The following TSPEAR variants were observed in gnomAD, a reference collection of about 807,000 sequenced individuals.
The protein encoded by TSPEAR is thrombospondin-type laminin G domain and EAR repeat-containing protein.
Under a neutral mutation model 71.6 loss-of-function variants are expected in TSPEAR, and 69 were observed. The ratio of observed to expected loss-of-function variants is 0.96; its 90% CI spans 0.79 to 1.18. The LOEUF (loss-of-function observed/expected upper bound fraction) is 1.18, where lower values mean the gene tolerates loss of function less well. TSPEAR is among the 50% of genes most tolerant of loss of function. TSPEAR has a pLI of 0.00. For missense variants in TSPEAR, 971 were observed against 894.9 expected (o/e 1.09, Z -1.09); for synonymous variants, 402 against 387.2 (o/e 1.04, Z -0.45).
At chr21:44,667,416 T>C (rs1471866985) in intron 1 of TSPEAR, among the ~76,000 whole-genome samples, 1 of 152,192 alleles carries the variant, frequency 6.6e-6, no homozygotes, top group Non-Finnish European at 1.5e-5. Context: ...AAATCACTTG[T>C]CCATAGGATG....
intron 2 of TSPEAR, among the ~76,000 whole-genome samples, chr21:44,545,305 A>G (rs914248906): frequency 6.6e-6 from 1 of 151,878 alleles, no homozygotes; most frequent in South Asian, 2.1e-4. Flanking sequence ...GTGACAGAGC[A>G]AGACTCTGTC....
chr21:44,551,526 G>A (rs797038861), intron 2 of TSPEAR: 3 of 1,536,274 alleles, frequency 2.0e-6, no homozygotes, highest in Non-Finnish European at 2.6e-6. Context: ...GAGTGTGTGA[G>A]TGAGTGTGTG....
chr21:44,579,808 G>C, intron 1 of TSPEAR: 4 of 1,609,752 alleles, frequency 2.5e-6, no homozygotes, highest in Non-Finnish European at 2.5e-6. Flanking sequence ...GGAGGGACAC[G>C]CAGGAGGCCG....
At chr21:44,708,965 G>A (rs1430603615) in intron 1 of TSPEAR, among the ~76,000 whole-genome samples, 1 of 152,248 alleles carries the variant, frequency 6.6e-6, no homozygotes, top group African/African-American at 2.4e-5. Context: ...CAGGGGCTGA[G>A]GCCTCACTGA....
intron 1 of TSPEAR, among the ~76,000 whole-genome samples, chr21:44,603,586 T>C (rs1313822384): frequency 6.6e-6 from 1 of 152,182 alleles, no homozygotes; most frequent in Non-Finnish European, 1.5e-5. Context: ...GGAGGTGTGC[T>C]GTGGGGCAGA....
At position 44,628,125 on chromosome 21, in the gene TSPEAR, G is replaced by A. The variant is rs1320391133; in HGVS notation, c.83-60120C>T. 3.1e-5 allele frequency: 48 copies of A among 1,533,034 alleles called. No individual in the cohort carries two copies. The East Asian group carries it at 9.7e-4, about 31-fold the overall frequency. 95.0% of individuals were successfully genotyped at this position (1,533,034 alleles called of 1,614,324 possible). A position where few individuals can be genotyped will look rare whatever the true frequency, so the allele number is the denominator to read the frequency against. On this transcript the variant is annotated intron_variant, in intron 1 of 11. Coordinates refer to ENST00000323084, the MANE Select transcript of TSPEAR (RefSeq NM_144991.3). Reference sequence around the variant, plus strand: ...GTCCTTGGACCTCCCAGCCCACCCAGCCTCAGCACAGCTCAACACAGAAGG... The same window carrying A: ...GTCCTTGGACCTCCCAGCCCACCCAACCTCAGCACAGCTCAACACAGAAGG...
chr21:44,651,841 ATGGACT>A (rs1364415800), intron 1 of TSPEAR, among the ~76,000 whole-genome samples: 1 of 152,194 alleles, frequency 6.6e-6, no homozygotes, highest in Non-Finnish European at 1.5e-5. Flanking sequence ...GTTCACCTCT[ATGGACT>A]AAGGGGAAAA....
chr21:44,622,803 T>G (rs1982528148), intron 1 of TSPEAR, among the ~76,000 whole-genome samples: 1 of 152,230 alleles, frequency 6.6e-6, no homozygotes, highest in Admixed American at 6.5e-5. Context: ...TTTGGTTGTA[T>G]GGCCCTGCCA....
intron 1 of TSPEAR, chr21:44,681,799 C>G (rs782327210): frequency 4.4e-6 from 7 of 1,581,842 alleles, no homozygotes; most frequent in Non-Finnish European, 6.0e-6. Flanking sequence ...GTGGCCTCAT[C>G]TGCACTGGGA....
chr21:44,697,958 A>T, intron 1 of TSPEAR: 1 of 1,598,686 alleles, frequency 6.3e-7, no homozygotes, highest in Non-Finnish European at 8.5e-7. Flanking sequence ...CTCAGGCCAG[A>T]AGTCCAGCTG....
intron 11 of TSPEAR, among the ~76,000 whole-genome samples, chr21:44,500,617 A>G (rs919213246): frequency 7.9e-5 from 12 of 152,260 alleles, no homozygotes; most frequent in African/African-American, 2.7e-4. Flanking sequence ...GGGAAAGGGC[A>G]GGGTGGGGTC....
At chr21:44,615,645 A>G (rs1982041419) in intron 1 of TSPEAR, among the ~76,000 whole-genome samples, 1 of 150,830 alleles carries the variant, frequency 6.6e-6, no homozygotes, top group Non-Finnish European at 1.5e-5. Flanking sequence ...GTCTCTCTGC[A>G]GGTGCCTCCT....
intron 2 of TSPEAR, chr21:44,540,029 G>C: frequency 6.2e-7 from 1 of 1,613,064 alleles, no homozygotes; most frequent in Non-Finnish European, 8.5e-7. Flanking sequence ...GGTCAGGCAG[G>C]GGGCCGGGGC....
At chr21:44,634,076 T>A (rs2146213039) in intron 1 of TSPEAR, among the ~76,000 whole-genome samples, 1 of 152,262 alleles carries the variant, frequency 6.6e-6, no homozygotes, top group East Asian at 1.9e-4. Flanking sequence ...AAGACCCTGG[T>A]CCCTAAAAAA....
At chr21:44,681,634 C>A (rs1986594312) in intron 1 of TSPEAR, 1 of 642,940 alleles carries the variant, frequency 1.6e-6, no homozygotes, top group Admixed American at 3.2e-5. Context: ...ACTCTGGGAC[C>A]CCAGACTTCC....
At chr21:44,676,370 G>A (rs992173167) in intron 1 of TSPEAR, 3 of 1,127,562 alleles carry the variant, frequency 2.7e-6, no homozygotes, top group Non-Finnish European at 4.1e-6. Flanking sequence ...CTACCCAGTG[G>A]GACAGCAGGC....
At chr21:44,677,525 T>C in intron 1 of TSPEAR, 1 of 826,562 alleles carries the variant, frequency 1.2e-6, no homozygotes, top group Non-Finnish European at 2.1e-6. Flanking sequence ...CTGCAATTTC[T>C]TCACATGGTC....
rs889778840 is a variant in TSPEAR, at chr21:44,677,798, A to G, written c.82+33635T>C. The G allele has an allele frequency of 8.5e-6, 11 of 1,291,048 alleles. No individual in the cohort carries two copies. In the African/African-American group the frequency reaches 1.5e-4, roughly 17 times the overall value. 80.0% of individuals were successfully genotyped at this position (1,291,048 alleles called of 1,614,324 possible). ...GAGTTGATTTCTTTGGCAATGGAAC[A>G]TTATAAGGTGCAGAACCAAGAACCA... On this transcript the variant is annotated intron_variant, in intron 1 of 11. Transcript: ENST00000323084.
chr21:44,694,929 C>T (rs950977650), intron 1 of TSPEAR, among the ~76,000 whole-genome samples: 2 of 152,210 alleles, frequency 1.3e-5, no homozygotes, highest in Non-Finnish European at 2.9e-5. Flanking sequence ...TCTTCTAGCT[C>T]TTCAATGTCC....
Sources: allele counts gnomAD v4.1 joint callset (sites outside exome capture counted in the v4.1 genomes callset), GRCh38; gene constraint gnomAD v4.1.1; transcripts MANE v1.5; gene names NCBI Gene and HGNC (gene_info 2026-07-23, HGNC 2026-07-21).